The following NBEA variants were observed in gnomAD, a reference collection of about 807,000 sequenced individuals.
NBEA encodes neurobeachin.
In NBEA, 44 loss-of-function variants were observed where a neutral mutation model predicts 343.4. The observed-to-expected ratio is 0.13, with a 90% CI of 0.10 to 0.16. NBEA has a LOEUF of 0.16. Ranked by LOEUF, NBEA falls within the 10% of genes least tolerant of loss-of-function variation. The pLI, the probability that NBEA is intolerant of heterozygous loss-of-function variation, is 1.00. For synonymous variants in NBEA, 1,175 were observed against 1,238.7 expected (o/e 0.95, Z 1.08); for missense variants, 2,555 against 3,631.3 (o/e 0.70, Z 7.62).
chr13:35,385,032 C>T (rs2042178869), intron 38 of NBEA, among the ~76,000 whole-genome samples: 1 of 152,132 alleles, frequency 6.6e-6, no homozygotes, highest in Non-Finnish European at 1.5e-5. Flanking sequence ...GCTCAGATGT[C>T]CTGTGTTTTA....
intron 48 of NBEA, among the ~76,000 whole-genome samples, chr13:35,625,111 A>T (rs2083165248): frequency 6.6e-6 from 1 of 152,174 alleles, no homozygotes; most frequent in African/African-American, 2.4e-5. Context: ...ATGAAAAGTA[A>T]AACCATAAAT....
At chr13:35,586,397 A>G (rs779201957) in intron 46 of NBEA, among the ~76,000 whole-genome samples, 2 of 152,342 alleles carry the variant, frequency 1.3e-5, no homozygotes, top group East Asian at 1.9e-4. Flanking sequence ...TATCCCTTTC[A>G]TAATTCTACA....
chr13:35,245,819 T>C (rs2031097847), intron 34 of NBEA, among the ~76,000 whole-genome samples: 1 of 152,174 alleles, frequency 6.6e-6, no homozygotes, highest in Non-Finnish European at 1.5e-5. Flanking sequence ...TTCTTGTATT[T>C]GGATGTCTAG....
chr13:35,216,638 C>T (rs1013129219), intron 33 of NBEA, among the ~76,000 whole-genome samples: 2 of 151,960 alleles, frequency 1.3e-5, no homozygotes, highest in Non-Finnish European at 2.9e-5. Context: ...CCTATTTCTT[C>T]TTGGATTCAT....
intron 45 of NBEA, among the ~76,000 whole-genome samples, chr13:35,580,955 G>C (rs928667040): frequency 6.6e-6 from 1 of 152,118 alleles, no homozygotes; most frequent in Non-Finnish European, 1.5e-5. Flanking sequence ...GATTGAAAAA[G>C]ATTAGAGGAA....
intron 35 of NBEA, among the ~76,000 whole-genome samples, chr13:35,292,505 T>A (rs2035865091): frequency 6.6e-6 from 1 of 151,990 alleles, no homozygotes; most frequent in Non-Finnish European, 1.5e-5. Context: ...ACAGTCCCTG[T>A]AGAATTAGTA....
At chr13:35,410,335 A>G (rs2043509339) in intron 38 of NBEA, among the ~76,000 whole-genome samples, 1 of 152,170 alleles carries the variant, frequency 6.6e-6, no homozygotes, top group South Asian at 2.1e-4. Flanking sequence ...TACTTCGTAA[A>G]GGCAGGAAGG....
At chr13:35,567,708 G>C (rs2080200317) in intron 45 of NBEA, among the ~76,000 whole-genome samples, 1 of 152,148 alleles carries the variant, frequency 6.6e-6, no homozygotes, top group South Asian at 2.1e-4. Flanking sequence ...GACTTGGAAT[G>C]TATCTCTGTT....
chr13:35,670,616 G>T (rs566759332), intron 58 of NBEA, among the ~76,000 whole-genome samples: 1 of 152,372 alleles, frequency 6.6e-6, no homozygotes, highest in Non-Finnish European at 1.5e-5. Flanking sequence ...ATTGCTGAGA[G>T]AAATGGGGCA....
intron 40 of NBEA, among the ~76,000 whole-genome samples, chr13:35,461,455 C>A (rs1219769288): frequency 2.0e-5 from 3 of 152,092 alleles, no homozygotes; most frequent in African/African-American, 7.2e-5. Context: ...AACTAACTTA[C>A]CAGGAAACCA....
chr13:35,552,779 G>A (rs1459088978), intron 43 of NBEA, among the ~76,000 whole-genome samples: 1 of 152,090 alleles, frequency 6.6e-6, no homozygotes. Context: ...TGACTTGTCT[G>A]GACCGGAATT....
chr13:35,389,060 G>A (rs9544218), intron 38 of NBEA, among the ~76,000 whole-genome samples: 15,508 of 143,680 alleles, frequency 0.11, 1,090 homozygotes, highest in Middle Eastern at 0.31. Flanking sequence ...CTCCCTGAAT[G>A]TAACCCTGGT....
rs570932500 is a variant in NBEA at position 35,671,236 on chromosome 13, T to A, written c.*245T>A. 2.6e-6 allele frequency: 1 copy of A among 389,728 alleles called. No individual in the cohort carries two copies. The highest frequency in any genetic ancestry group is 3.9e-5 in the East Asian group (1 of 25,492). The allele number at this position is 389,728 out of a possible 1,614,324, so 24.1% of individuals were successfully genotyped here. ...TTATATGAATTAGGAGATGTTTTGG[T>A]AATTATTTCATATATTGTTGTTTAT... On this transcript the variant is annotated 3_prime_UTR_variant, in exon 59 of 59. Transcript: ENST00000379939.
chr13:35,053,206 T>C (rs1283642895), intron 6 of NBEA, among the ~76,000 whole-genome samples: 1 of 152,168 alleles, frequency 6.6e-6, no homozygotes, highest in African/African-American at 2.4e-5. Context: ...CTCAGAATTA[T>C]TTAGTTATAC....
chr13:35,433,409 A>G (rs1594622671), intron 39 of NBEA, among the ~76,000 whole-genome samples: 1 of 152,042 alleles, frequency 6.6e-6, no homozygotes, highest in East Asian at 1.9e-4. Flanking sequence ...TAAGTGAGCC[A>G]TCTGTTTTTA....
intron 28 of NBEA, among the ~76,000 whole-genome samples, chr13:35,178,595 A>G (rs1489146955): frequency 6.6e-6 from 1 of 151,712 alleles, no homozygotes; most frequent in East Asian, 1.9e-4. Context: ...TTAAAAAAAG[A>G]CTGAAAAAAT....
intron 38 of NBEA, among the ~76,000 whole-genome samples, chr13:35,373,189 G>A (rs191885192): frequency 1.1e-4 from 17 of 152,092 alleles, no homozygotes; most frequent in Admixed American, 1.1e-3. Context: ...CTTGCCTTAG[G>A]TGTTTCCTGT....
chr13:35,232,318 C>A (rs2075020337), intron 33 of NBEA, among the ~76,000 whole-genome samples, 174 bp from the exon 34 acceptor site: 1 of 152,070 alleles, frequency 6.6e-6, no homozygotes, highest in Non-Finnish European at 1.5e-5. Flanking sequence ...CTTTCAGTAG[C>A]CTTATGACTG....
intron 26 of NBEA, 27 bp from the exon 27 acceptor site, chr13:35,173,437 A>G (rs73503798): frequency 1.9e-6 from 3 of 1,545,978 alleles, no homozygotes; most frequent in Non-Finnish European, 1.8e-6. Flanking sequence ...ATTTATATTA[A>G]CAATATGTTT....
Sources: allele counts gnomAD v4.1 joint callset (sites outside exome capture counted in the v4.1 genomes callset), GRCh38; gene constraint gnomAD v4.1.1; transcripts MANE v1.5; gene names NCBI Gene and HGNC (gene_info 2026-07-23, HGNC 2026-07-21).